GPD2: variants seen among roughly 807,000 people sequenced by gnomAD.
The protein encoded by GPD2 is glycerol-3-phosphate dehydrogenase 2, also known as glycerol-3-phosphate dehydrogenase, mitochondrial.
Under a neutral mutation model 82.4 loss-of-function variants are expected in GPD2, and 54 were observed. The ratio of observed to expected loss-of-function variants is 0.66; its 90% CI spans 0.53 to 0.82. The LOEUF (loss-of-function observed/expected upper bound fraction) is 0.82, where lower values mean the gene tolerates loss of function less well. Among genes scored for constraint, GPD2 ranks in the 40% least tolerant of loss-of-function variants. GPD2 has a pLI of 0.00. For synonymous variants in GPD2, 288 were observed against 306.1 expected (o/e 0.94, Z 0.62); for missense variants, 748 against 896.2 (o/e 0.83, Z 2.11).
intron 6 of GPD2, among the ~76,000 whole-genome samples, chr2:156,524,066 G>A (rs888640935): frequency 3.9e-5 from 6 of 152,072 alleles, no homozygotes; most frequent in Non-Finnish European, 7.4e-5. Flanking sequence ...GTGACGTTGG[G>A]GCTTCTAGTG....
At chr2:156,412,623 C>T in the GPD2 span, among the ~76,000 whole-genome samples, 1 of 152,082 alleles carries the variant, frequency 6.6e-6, no homozygotes, top group Non-Finnish European at 1.5e-5. Flanking sequence ...TGGGCTAATG[C>T]ACATAAAGCT....
At chr2:156,529,025 A>G (rs1685727088) in intron 6 of GPD2, among the ~76,000 whole-genome samples, 1 of 151,142 alleles carries the variant, frequency 6.6e-6, no homozygotes, top group African/African-American at 2.4e-5. Context: ...TGACTTCCAC[A>G]ATGGTTGAAC....
chr2:156,455,175 C>T (rs1228841180), intron 1 of GPD2, among the ~76,000 whole-genome samples: 2 of 152,100 alleles, frequency 1.3e-5, no homozygotes, highest in Admixed American at 6.6e-5. Context: ...TCAGGAGTTG[C>T]GTCCAGTCTC....
chr2:156,518,474 G>A (rs1050031903), intron 6 of GPD2, among the ~76,000 whole-genome samples: 4 of 152,198 alleles, frequency 2.6e-5, no homozygotes, highest in African/African-American at 4.8e-5. Flanking sequence ...TTTGGGGAAC[G>A]ATGCCTCTGG....
chr2:156,459,764 G>T (rs1682927420), intron 1 of GPD2, among the ~76,000 whole-genome samples: 1 of 148,438 alleles, frequency 6.7e-6, no homozygotes, highest in East Asian at 2.1e-4. Flanking sequence ...GGACATTGAA[G>T]TCCAGGGAAG....
chr2:156,439,525 AAAAAAAAAAAAAAAC>A lies in GPD2; in HGVS notation c.-9+3026_-9+3040del, dbSNP rs1293783184. Among the ~76,000 whole-genome samples the A allele has an allele frequency of 3.1e-3, 320 of 103,302 alleles. 7 individuals carry two copies. Among genetic ancestry groups the A allele is most frequent in the Non-Finnish European group, 4.8e-3 (240 of 50,336 alleles). The allele number at this position is 103,302 out of a possible 152,430, so 67.8% of individuals were successfully genotyped here. On this transcript the variant is annotated intron_variant, in intron 1 of 16. Coordinates refer to ENST00000438166, the MANE Select transcript of GPD2 (RefSeq NM_000408.5). ...TGAGACTGTCTCAGAAAAAAAAAAAAAAAAAAAAAAAAAACAAAAAAAAAAAAACAAGCCAGGCAG... is the reference window on the plus strand; with the variant it reads ...TGAGACTGTCTCAGAAAAAAAAAAAAAAAAAAAAAAAAACAAGCCAGGCAG...
At chr2:156,511,078 G>A (rs914334903) in intron 4 of GPD2, among the ~76,000 whole-genome samples, 158 bp downstream of exon 4, 1 of 152,144 alleles carries the variant, frequency 6.6e-6, no homozygotes, top group African/African-American at 2.4e-5. Flanking sequence ...GGAGAGGTGT[G>A]TCAGTTCTTT....
intron 1 of GPD2, among the ~76,000 whole-genome samples, chr2:156,459,555 G>T (rs531303558): frequency 6.6e-6 from 1 of 151,862 alleles, no homozygotes; most frequent in African/African-American, 2.4e-5. Context: ...GGGCATGGTG[G>T]CGCATGCCTG....
At chr2:156,509,765 CTTTT>C (rs60361072) in intron 3 of GPD2, among the ~76,000 whole-genome samples, 1 of 117,380 alleles carries the variant, frequency 8.5e-6, no homozygotes. Flanking sequence ...ATATGTTCTT[CTTTT>C]TTTTTTTTTT....
chr2:156,443,364 T>G (rs1223918335), intron 1 of GPD2, among the ~76,000 whole-genome samples: 1 of 152,184 alleles, frequency 6.6e-6, no homozygotes, highest in Non-Finnish European at 1.5e-5. Context: ...CTAATCCAAG[T>G]GCCTTTCATG....
rs371965142 is a variant in GPD2 at position 156,516,595 on chromosome 2, A to G, written c.661+3099A>G. ...GCTGGGATTACACTTAGCATGTGCC[A>G]CTATACCTGGCTAGTTGTTTTTTAC... On this transcript the variant is annotated intron_variant, in intron 6 of 16. Transcript: ENST00000438166. 1.6e-4 allele frequency among the ~76,000 whole-genome samples: 25 copies of G among 152,286 alleles called. No individual in the cohort carries two copies. In the East Asian group the frequency reaches 2.7e-3, roughly 16 times the overall value.
intron 6 of GPD2, among the ~76,000 whole-genome samples, chr2:156,535,437 G>GGGGGGGGA (rs138855830): frequency 1.2e-5 from 1 of 80,284 alleles, no homozygotes; most frequent in Non-Finnish European, 2.3e-5. Context: ...AGGGGGGTGG[G>GGGGGGGGA]GAGAGAGAGA....
At chr2:156,569,287 G>T in intron 10 of GPD2, 76 bp from the exon 11 acceptor site, 2 of 983,200 alleles carry the variant, frequency 2.0e-6, no homozygotes, top group Non-Finnish European at 1.6e-6. Flanking sequence ...TTTGTTATTG[G>T]TAAGTTGATA....
At chr2:156,433,771 C>G (rs1045502694), upstream of GPD2, among the ~76,000 whole-genome samples, 1 of 152,096 alleles carries the variant, frequency 6.6e-6, no homozygotes, top group African/African-American at 2.4e-5. Flanking sequence ...TGGACCAGAT[C>G]GCTCACCTAA....
chr2:156,436,431 C>CT lies in GPD2; in HGVS notation c.-90dup, dbSNP rs1231504014. ...GAGCACCCGGGCCGAGGCTCTGATT[C>CT]TGGGGGGAGGCCGACTCCACCCTGG... On this transcript the variant is annotated 5_prime_UTR_variant, in exon 1 of 17. Transcript: ENST00000438166. 6.6e-6 allele frequency: 1 copy of CT among 152,474 alleles called. No individual in the cohort carries two copies. Among genetic ancestry groups the CT allele is most frequent in the East Asian group, 1.9e-4 (1 of 5,182 alleles). The allele number at this position is 152,474 out of a possible 1,614,324, so 9.4% of individuals were successfully genotyped here.
chr2:156,425,680 A>G, the GPD2 span, among the ~76,000 whole-genome samples: 2 of 152,138 alleles, frequency 1.3e-5, no homozygotes, highest in South Asian at 4.1e-4. Flanking sequence ...AGTTTGATAC[A>G]AGGTTAAGGT....
At chr2:156,454,240 A>T (rs1682714713) in intron 1 of GPD2, among the ~76,000 whole-genome samples, 1 of 152,178 alleles carries the variant, frequency 6.6e-6, no homozygotes, top group Admixed American at 6.5e-5. Context: ...CCTTTTGTGA[A>T]GCTAGATGTT....
intron 1 of GPD2, among the ~76,000 whole-genome samples, chr2:156,449,499 G>T (rs1266459685): frequency 6.6e-6 from 1 of 152,148 alleles, no homozygotes; most frequent in African/African-American, 2.4e-5. Context: ...GTTGGGTAGA[G>T]TTGAAGTTTG....
intron 8 of GPD2, 37 bp downstream of exon 8, chr2:156,550,783 A>C: frequency 1.9e-6 from 3 of 1,572,054 alleles, no homozygotes; most frequent in Non-Finnish European, 2.6e-6. Context: ...TCACCCAAAA[A>C]AGAGGGTCAG....
Sources: allele counts gnomAD v4.1 joint callset (sites outside exome capture counted in the v4.1 genomes callset), GRCh38; gene constraint gnomAD v4.1.1; transcripts MANE v1.5; gene names NCBI Gene and HGNC (gene_info 2026-07-23, HGNC 2026-07-21).